The following SLC38A12 variants were observed in gnomAD, a reference collection of about 807,000 sequenced individuals.
SLC38A12 encodes solute carrier family 38 member 12.
At chr17:74,778,395 TGCC>T in the SLC38A12 span, among the ~76,000 whole-genome samples, 1 of 152,212 alleles carries the variant, frequency 6.6e-6, no homozygotes, top group Non-Finnish European at 1.5e-5. Context: ...GAACTTGACC[TGCC>T]TTCAACAGCT....
the SLC38A12 span, among the ~76,000 whole-genome samples, chr17:74,786,632 G>T: frequency 3.3e-5 from 5 of 152,246 alleles, no homozygotes; most frequent in African/African-American, 1.2e-4. Flanking sequence ...GGATCTGAAG[G>T]GGGAGGGAGT....
chr17:74,813,165 C>T, the SLC38A12 span, among the ~76,000 whole-genome samples: 4 of 152,208 alleles, frequency 2.6e-5, no homozygotes, highest in Non-Finnish European at 4.4e-5. Context: ...AGAACAAAAG[C>T]GTCGCCTGCG....
chr17:74,777,838 C>T, the SLC38A12 span: 14 of 357,552 alleles, frequency 3.9e-5, no homozygotes, highest in East Asian at 7.7e-5. Flanking sequence ...CGCTTGAACC[C>T]GGGAGGCGGA....
the SLC38A12 span, among the ~76,000 whole-genome samples, chr17:74,831,416 C>T: frequency 7.9e-5 from 12 of 152,328 alleles, no homozygotes; most frequent in East Asian, 2.3e-3. Context: ...CCATGGGTGA[C>T]ACAAGACAAA....
chr17:74,779,187 C>T, the SLC38A12 span, among the ~76,000 whole-genome samples: 1 of 152,158 alleles, frequency 6.6e-6, no homozygotes, highest in Non-Finnish European at 1.5e-5. Context: ...GTAAGGAAAA[C>T]ACTTGGATAT....
the SLC38A12 span, chr17:74,839,036 G>C: frequency 1.3e-6 from 2 of 1,535,590 alleles, no homozygotes; most frequent in African/African-American, 2.7e-5. Context: ...CCCCGGTGCA[G>C]GCCAGGTCAA....
At chr17:74,797,417 T>C in the SLC38A12 span, among the ~76,000 whole-genome samples, 16 of 152,220 alleles carry the variant, frequency 1.1e-4, no homozygotes, top group African/African-American at 3.4e-4. Context: ...AAGCAGAGGC[T>C]GCAGAACAGG....
chr17:74,785,948 G>T, the SLC38A12 span, among the ~76,000 whole-genome samples: 2 of 152,192 alleles, frequency 1.3e-5, no homozygotes, highest in East Asian at 3.8e-4. Flanking sequence ...AAGTTTTGCT[G>T]TCTGAGAAAA....
At chr17:74,820,135 CT>C in the SLC38A12 span, among the ~76,000 whole-genome samples, 1 of 152,264 alleles carries the variant, frequency 6.6e-6, no homozygotes, top group African/African-American at 2.4e-5. Flanking sequence ...CTAGGACCAG[CT>C]TCTTTCTCAT....
chr17:74,786,913 A>G, the SLC38A12 span, among the ~76,000 whole-genome samples: 1 of 152,108 alleles, frequency 6.6e-6, no homozygotes. Flanking sequence ...GGAAGTGATC[A>G]TTCTGGGCTC....
chr17:74,788,707 C>A, the SLC38A12 span: 1 of 1,233,236 alleles, frequency 8.1e-7, no homozygotes, highest in Non-Finnish European at 1.2e-6. Context: ...TGGGTCTGGT[C>A]GGTTCTTACA....
chr17:74,836,133 C>A, the SLC38A12 span: 5 of 1,613,910 alleles, frequency 3.1e-6, no homozygotes, highest in East Asian at 8.9e-5. This position sits in a 1 kb window ranked among gnomAD's most constrained non-coding sequence, Gnocchi z 4.2. Context: ...GGACTACGTG[C>A]TGATCCTGGC....
the SLC38A12 span, among the ~76,000 whole-genome samples, chr17:74,790,724 G>C: frequency 1.8e-4 from 27 of 149,792 alleles, no homozygotes; most frequent in Middle Eastern, 3.5e-3. Flanking sequence ...GTTAGGCTCT[G>C]ACGCCTGCTC....
At chr17:74,837,458 C>T in the SLC38A12 span, 40 of 985,584 alleles carry the variant, frequency 4.1e-5, no homozygotes, top group South Asian at 1.3e-3. Flanking sequence ...CGCTGCCCCA[C>T]TGGAGCCCTC....
chr17:74,837,731 C>T, the SLC38A12 span: 14 of 985,720 alleles, frequency 1.4e-5, no homozygotes, highest in African/African-American at 1.7e-5. Flanking sequence ...AGGCCAGGTC[C>T]CCAGCCACCT....
the SLC38A12 span, among the ~76,000 whole-genome samples, chr17:74,815,462 C>G: frequency 6.6e-6 from 1 of 152,200 alleles, no homozygotes; most frequent in Non-Finnish European, 1.5e-5. Context: ...TTTCTCTGAC[C>G]AGCTAAATGT....
At chr17:74,788,885 C>G in the SLC38A12 span, 2 of 1,609,904 alleles carry the variant, frequency 1.2e-6, no homozygotes. Context: ...GTGTGTTGCC[C>G]TCGTCTCCGG....
the SLC38A12 span, among the ~76,000 whole-genome samples, chr17:74,816,210 G>C: frequency 1.3e-5 from 2 of 152,194 alleles, no homozygotes; most frequent in African/African-American, 4.8e-5. Flanking sequence ...GGGTGCTATT[G>C]GGAGCCTTGC....
the SLC38A12 span, among the ~76,000 whole-genome samples, chr17:74,813,089 G>A: frequency 2.6e-5 from 4 of 152,280 alleles, no homozygotes; most frequent in African/African-American, 4.8e-5. Flanking sequence ...GGGAGCCAGC[G>A]GGTCACAGTG....
Sources: gnomAD v4.1 joint callset for allele counts (sites outside exome capture counted in the v4.1 genomes callset) on GRCh38, gnomAD v4.1.1 for gene constraint, Gnocchi (gnomAD v3.1) non-coding constraint, MANE v1.5 for transcripts, NCBI Gene and HGNC (gene_info 2026-07-23, HGNC 2026-07-21) for gene names.